Variants in FBLN1 observed in about 807,000 individuals in gnomAD.
FBLN1 encodes the protein fibulin-1.
Under a neutral mutation model 89.7 loss-of-function variants are expected in FBLN1, and 34 were observed. The observed-to-expected ratio is 0.38, with a 90% confidence interval of 0.29 to 0.50. FBLN1 has a LOEUF of 0.50. FBLN1 is among the 20% of genes least tolerant of loss of function. The pLI, the probability that FBLN1 is intolerant of heterozygous loss-of-function variation, is 0.92. For synonymous variants in FBLN1, 393 were observed against 391.3 expected (o/e 1.00, Z -0.05); for missense variants, 777 against 988.1 (o/e 0.79, Z 2.86).
intron 14 of FBLN1, chr22:45,565,173 A>C (rs759229212): frequency 7.7e-6 from 12 of 1,553,948 alleles, no homozygotes; most frequent in Non-Finnish European, 1.0e-5. Flanking sequence ...ATTCTCCAAG[A>C]TGCAGCCCAG....
rs5764798 is a variant in FBLN1, at chr22:45,583,941, C to T, written c.1972+6833C>T. 0.35 allele frequency among the ~76,000 whole-genome samples: 53,574 copies of T among 151,892 alleles called. 11,550 individuals are homozygous for T. The highest frequency in any genetic ancestry group is 0.52 in the Admixed American group (7,915 of 15,260). ...GGAGTTCCCTGAGGTCATGCGGTGG[C>T]GGATGGGGGTCACTTCTGCATAGGC... On this transcript the variant is annotated intron_variant, in intron 16 of 16. Coordinates refer to ENST00000327858, the MANE Select transcript of FBLN1 (RefSeq NM_006486.3). The surrounding 1 kb of genome is among the most constrained non-coding windows in gnomAD (Gnocchi z 4.5).
chr22:45,582,371 G>A (rs2089049925), intron 16 of FBLN1, among the ~76,000 whole-genome samples: 5 of 152,202 alleles, frequency 3.3e-5, no homozygotes, highest in Admixed American at 3.3e-4. Context: ...CCCCTGATGA[G>A]GAAAGACCTC....
chr22:45,533,273 G>C, intron 6 of FBLN1, 109 bp downstream of exon 6: 1 of 1,030,102 alleles, frequency 9.7e-7, no homozygotes, highest in Non-Finnish European at 1.5e-6. Flanking sequence ...ACCCCATTCA[G>C]GGGTGGAGAG....
At position 45,503,012 on chromosome 22, in the gene FBLN1, G is replaced by A. The variant is rs1252064553; in HGVS notation, c.27G>A (p.Arg9=). 7.2e-6 allele frequency: 9 copies of A among 1,243,778 alleles called. No individual in the cohort carries two copies. The South Asian group carries it at 2.6e-4, about 37-fold the overall frequency. 77.0% of individuals were successfully genotyped at this position (1,243,778 alleles called of 1,614,324 possible). ...TGGAGCGCGCCGCGCCGTCGCGCCG[G>A]GTCCCGCTTCCGCTGCTGCTGCTCG... MERAAPSR[R]VPLPLLLLGG... The change falls in exon 1 of 17, where the codon CGG becomes CGA. Residue 9 remains arginine, a synonymous_variant. Coordinates refer to ENST00000327858, the MANE Select transcript of FBLN1 (RefSeq NM_006486.3).
Position 45,512,628 on chromosome 22 carries a change from G to A in FBLN1, c.80-6054G>A, listed in dbSNP as rs2088116264. Among the ~76,000 whole-genome samples the A allele has an allele frequency of 3.3e-5, 5 of 152,322 alleles. No homozygotes were observed. In the South Asian group the frequency reaches 1.0e-3, roughly 32 times the overall value. ...GACCGGATCCCCAGGCAAATGAGCA[G>A]CTGGAAGTCCCTGCAGGGATGCGGG... is the stretch of plus-strand genomic sequence containing the variant. On this transcript the variant is annotated intron_variant, in intron 1 of 16. Coordinates refer to ENST00000327858, the MANE Select transcript of FBLN1 (RefSeq NM_006486.3).
intron 1 of FBLN1, among the ~76,000 whole-genome samples, chr22:45,516,446 TTTGCTTTTCTTA>T (rs1471619604): frequency 6.6e-6 from 1 of 152,170 alleles, no homozygotes; most frequent in Non-Finnish European, 1.5e-5. Flanking sequence ...AGTGAGTACT[TTTGCTTTTCTTA>T]ATGAATTAGA....
At chr22:45,526,586 A>G (rs129752) in intron 3 of FBLN1, among the ~76,000 whole-genome samples, 134,193 of 152,310 alleles carry the variant, frequency 0.88, 59,326 homozygotes, top group Middle Eastern at 0.94. Context: ...ATTTTAAGAA[A>G]CAAGAATCTG....
intron 11 of FBLN1, among the ~76,000 whole-genome samples, chr22:45,546,310 T>TG (rs2146987625): frequency 6.6e-6 from 1 of 152,328 alleles, no homozygotes; most frequent in East Asian, 1.9e-4. Flanking sequence ...CTCTGCCTCC[T>TG]TGTTCAAGCA....
At chr22:45,570,648 C>A (rs2147022835) in intron 14 of FBLN1, among the ~76,000 whole-genome samples, 1 of 152,224 alleles carries the variant, frequency 6.6e-6, no homozygotes, top group African/African-American at 2.4e-5. Context: ...GATAATAGGA[C>A]TCCCTGCAGA....
rs2088847659 is a variant in FBLN1 at position 45,561,247 on chromosome 22, T to C, written c.1697+10632T>C. ...GTGTCTGTTTTTCCACAATTTCAGC[T>C]CTTCCTCTACAGGAGATAAGACTCT... On this transcript the variant is annotated intron_variant, in intron 14 of 16. Transcript: ENST00000327858. The surrounding 1 kb of genome is among the most constrained non-coding windows in gnomAD (Gnocchi z 4.7). 6.6e-6 allele frequency among the ~76,000 whole-genome samples: 1 copy of C among 152,188 alleles called. No individual in the cohort carries two copies. Among genetic ancestry groups the C allele is most frequent in the Non-Finnish European group, 1.5e-5 (1 of 68,032 alleles).
In FBLN1 at chr22:45,537,816, C is replaced by T. The variant is rs13057520; in HGVS notation, c.922+2479C>T. Among the ~76,000 whole-genome samples, 9,838 of 152,124 alleles carry T rather than the reference C, an allele frequency of 0.065. 499 individuals are homozygous for T. Among genetic ancestry groups the T allele is most frequent in the Admixed American group, 0.079 (1,215 of 15,284 alleles). On this transcript the variant is annotated intron_variant, in intron 8 of 16. Transcript: ENST00000327858. This position sits in a 1 kb window ranked among gnomAD's most constrained non-coding sequence, Gnocchi z 5.7. ...CTTGCCAGCAGGGAGGGGTGGTTTT[C>T]GCTCAGCGCAGGGGGTGGTGAGCAG...
chr22:45,574,520 G>A lies in FBLN1; in HGVS notation c.1707G>A (p.Gln569=), dbSNP rs767127411. ...CTGTGGTTCCCCTCAGGCTCCAGCA[G>A]GAGAAGACAGACACGGTCCGCTGCA... ...NYRRSAATLQ[Q]EKTDTVRCIK... The change falls in exon 15 of 17, where the codon CAG becomes CAA. Residue 569 remains glutamine (Q), a synonymous_variant. Transcript: ENST00000327858. This position sits in a 1 kb window ranked among gnomAD's most constrained non-coding sequence, Gnocchi z 4.1. 2.5e-6 allele frequency: 4 copies of A among 1,614,104 alleles called. No individual in the cohort carries two copies. Among genetic ancestry groups the A allele is most frequent in the Non-Finnish European group, 3.4e-6 (4 of 1,179,976 alleles).
chr22:45,555,187 C>T (rs2147001683), intron 14 of FBLN1, among the ~76,000 whole-genome samples: 1 of 151,490 alleles, frequency 6.6e-6, no homozygotes, highest in South Asian at 2.1e-4. Flanking sequence ...TCTCTGTCTC[C>T]ACCACAAGAA....
Position 45,542,216 on chromosome 22 carries a change from T to G in FBLN1, c.1128T>G (p.Ser376=). 2 of 1,614,192 alleles carry G rather than the reference T, an allele frequency of 1.2e-6. No individual in the cohort carries two copies. Among genetic ancestry groups the G allele is most frequent in the Non-Finnish European group, 1.7e-6 (2 of 1,180,044 alleles). ...PCGKGHRCVN[S]PGSFRCECKT... The stretch of plus-strand genomic sequence containing the variant: ...GGAAGGGACATCGCTGCGTGAACTC[T>G]CCCGGCAGTTTCCGCTGCGAATGCA... Residue 376 remains serine, a synonymous_variant, in exon 10 of 17, where the codon TCT becomes TCG. Transcript: ENST00000327858.
Position 45,531,259 on chromosome 22 carries a change from C to A in FBLN1, c.485-6C>A. 1 of 1,613,604 alleles carries A rather than the reference C, an allele frequency of 6.2e-7. No homozygotes were observed. Among genetic ancestry groups the A allele is most frequent in the East Asian group, 2.2e-5 (1 of 44,874 alleles). On this transcript the variant is annotated splice_polypyrimidine_tract_variant and splice_region_variant and intron_variant, in intron 4 of 16. Transcript: ENST00000327858. This position sits in a 1 kb window ranked among gnomAD's most constrained non-coding sequence, Gnocchi z 4.9. ...AAATGTCTGACTTGGTCTTTTTCCC[C>A]CTTAGATAAGATCATTGAGGTTGAG...
At chr22:45,508,569 G>A (rs537164753) in intron 1 of FBLN1, among the ~76,000 whole-genome samples, 4 of 152,236 alleles carry the variant, frequency 2.6e-5, no homozygotes, top group African/African-American at 7.2e-5. Flanking sequence ...CCAGCCTCAC[G>A]CACCTTTAGA....
chr22:45,594,670 G>A (rs1397451271), intron 16 of FBLN1, among the ~76,000 whole-genome samples: 5 of 151,736 alleles, frequency 3.3e-5, no homozygotes, highest in African/African-American at 9.7e-5. Context: ...GGATCCATGG[G>A]TAGGTGAGTG....
At chr22:45,559,351 G>A (rs2088825849) in intron 14 of FBLN1, among the ~76,000 whole-genome samples, 1 of 152,186 alleles carries the variant, frequency 6.6e-6, no homozygotes, top group Non-Finnish European at 1.5e-5. Flanking sequence ...GGGATGTGGT[G>A]GGAATCACCA....
intron 8 of FBLN1, among the ~76,000 whole-genome samples, chr22:45,538,688 G>A (rs577187394): frequency 3.3e-5 from 5 of 152,182 alleles, no homozygotes; most frequent in African/African-American, 9.6e-5. Flanking sequence ...CCCCCAGCAC[G>A]CACCCTGGGT....
Sources: gnomAD v4.1 joint callset for allele counts (sites outside exome capture counted in the v4.1 genomes callset) on GRCh38, gnomAD v4.1.1 for gene constraint, Gnocchi (gnomAD v3.1) non-coding constraint, MANE v1.5 for transcripts, NCBI Gene and HGNC (gene_info 2026-07-23, HGNC 2026-07-21) for gene names.